CBL: variants seen among roughly 807,000 people sequenced by gnomAD.
CBL encodes the protein Cbl proto-oncogene.
A neutral mutation model predicts 96.9 loss-of-function variants in CBL; 45 were observed. The observed-to-expected ratio is 0.46, with a 90% CI of 0.37 to 0.60. The LOEUF (loss-of-function observed/expected upper bound fraction) is 0.60. Ranked by LOEUF, CBL falls within the 20% of genes least tolerant of loss-of-function variation. The pLI is 0.00. For missense variants in CBL, 1,024 were observed against 1,143.5 expected (o/e 0.90, Z 1.51); for synonymous variants, 420 against 426.8 (o/e 0.98, Z 0.20).
chr11:119,295,555 C>T (rs1485196543), intron 12 of CBL, among the ~76,000 whole-genome samples: 1 of 151,348 alleles, frequency 6.6e-6, no homozygotes, highest in African/African-American at 2.4e-5. Context: ...GACTCTGTCT[C>T]TACAAAAAAA....
intron 1 of CBL, among the ~76,000 whole-genome samples, chr11:119,214,214 A>G (rs942220797): frequency 6.7e-6 from 1 of 149,760 alleles, no homozygotes; most frequent in African/African-American, 2.5e-5. Context: ...AAGTGCTGGG[A>G]TTACAGGCAT....
Position 119,305,911 on chromosome 11 carries a change from C to T in CBL, c.*6130C>T, listed in dbSNP as rs1009525784. The T allele has an allele frequency of 3.9e-6, 1 of 255,068 alleles. No individual in the cohort carries two copies. The highest frequency in any genetic ancestry group is 2.2e-5 in the African/African-American group (1 of 46,064). The allele number at this position is 255,068 out of a possible 1,614,324, so 15.8% of individuals were successfully genotyped here. ...GTCATTTGATACACACAGAAGTTAC[C>T]TAATAATCCAAAGATGTCCATCAAG... On this transcript the variant is annotated 3_prime_UTR_variant, in exon 16 of 16. Transcript: ENST00000264033.
Position 119,303,996 on chromosome 11 carries a change from G to A in CBL, c.*4215G>A, listed in dbSNP as rs572135038. 1 of 233,606 alleles carries A rather than the reference G, an allele frequency of 4.3e-6. No individual in the cohort carries two copies. The highest frequency in any genetic ancestry group is 6.0e-5 in the East Asian group (1 of 16,576). The allele number at this position is 233,606 out of a possible 1,614,324, so 14.5% of individuals were successfully genotyped here. A position where few individuals can be genotyped will look rare whatever the true frequency, so the allele number is the denominator to read the frequency against. ...TATGTTTTAGAAGGGCTGGAGGTGT[G>A]GGCCCTGTCTTCGGGTCTCAGGACC... On this transcript the variant is annotated 3_prime_UTR_variant, in exon 16 of 16. Transcript: ENST00000264033.
At chr11:119,297,658 A>C (rs572755132) in intron 14 of CBL, among the ~76,000 whole-genome samples, 177 bp downstream of exon 14, 1 of 152,290 alleles carries the variant, frequency 6.6e-6, no homozygotes, top group Middle Eastern at 3.4e-3. Context: ...GGGTTTCACT[A>C]TGTTGGCCAG....
At chr11:119,240,572 A>G (rs933167465) in intron 2 of CBL, among the ~76,000 whole-genome samples, 13 of 152,284 alleles carry the variant, frequency 8.5e-5, no homozygotes, top group African/African-American at 2.9e-4. Context: ...TTGGCTTGGT[A>G]TAGAGCATTT....
intron 1 of CBL, among the ~76,000 whole-genome samples, chr11:119,222,672 T>G (rs1276255047): frequency 6.6e-6 from 1 of 151,108 alleles, no homozygotes; most frequent in African/African-American, 2.5e-5. Context: ...TGAATTTTTG[T>G]TTTTTGGTTC....
rs997588226 is a variant in CBL, at chr11:119,302,276, C to G, written c.*2495C>G. On this transcript the variant is annotated 3_prime_UTR_variant, in exon 16 of 16. Coordinates refer to ENST00000264033, the MANE Select transcript of CBL (RefSeq NM_005188.4). ...GGGTGCTGTGAGGACACACCTGGGT[C>G]TGTGCCTGAGATTGCCAGGCAAGAT... is the stretch of plus-strand genomic sequence containing the variant. 1 of 232,672 alleles carries G rather than the reference C, an allele frequency of 4.3e-6. No homozygotes were observed. Among genetic ancestry groups the G allele is most frequent in the Non-Finnish European group, 8.5e-6 (1 of 117,726 alleles). The allele number at this position is 232,672 out of a possible 1,614,324, so 14.4% of individuals were successfully genotyped here.
chr11:119,231,263 T>C (rs1441094409), intron 1 of CBL, among the ~76,000 whole-genome samples: 1 of 151,452 alleles, frequency 6.6e-6, no homozygotes, highest in Non-Finnish European at 1.5e-5. Flanking sequence ...ATTAGCTGGG[T>C]GTGATGGTGG....
chr11:119,259,938 A>C (rs1321357219), intron 2 of CBL, among the ~76,000 whole-genome samples: 2 of 152,160 alleles, frequency 1.3e-5, no homozygotes, highest in African/African-American at 4.8e-5. Context: ...TCAAAGGGGG[A>C]AACTCAGTTT....
intron 12 of CBL, among the ~76,000 whole-genome samples, 193 bp from the exon 13 acceptor site, chr11:119,296,725 T>C (rs2135319562): frequency 6.6e-6 from 1 of 152,362 alleles, no homozygotes. Context: ...CTTTGGTCAG[T>C]TGAAAGTGAC....
chr11:119,278,373 T>TA, intron 8 of CBL, 76 bp downstream of exon 8: 9 of 1,571,068 alleles, frequency 5.7e-6, no homozygotes, highest in Non-Finnish European at 7.9e-6. Flanking sequence ...CCTTTACTGA[T>TA]ACAAGGGGTG....
intron 2 of CBL, among the ~76,000 whole-genome samples, chr11:119,241,130 A>G (rs2135272383): frequency 6.6e-6 from 1 of 152,278 alleles, no homozygotes; most frequent in East Asian, 1.9e-4. Flanking sequence ...ATTGTATAGT[A>G]TTGTTGCTTC....
Position 119,285,424 on chromosome 11 carries a change from T to C in CBL, c.1799T>C (p.Val600Ala), listed in dbSNP as rs1299267508. 1 of 1,614,056 alleles carries C rather than the reference T, an allele frequency of 6.2e-7. No homozygotes were observed. Residue 600 changes from valine to alanine, a missense_variant, in exon 11 of 16, where the codon GTA becomes GCA. Transcript: ENST00000264033. ...CCCCGGCCAATCCCCAAAGTACCAG[T>C]ATCTGCCCCAAGTTCCAGTGATCCC... Reference protein sequence around the residue: ...WLPRPIPKVPVSAPSSSDPWT... With the variant: ...WLPRPIPKVPASAPSSSDPWT...
Position 119,302,562 on chromosome 11 carries a change from C to T in CBL, c.*2781C>T, listed in dbSNP as rs778266125. On this transcript the variant is annotated 3_prime_UTR_variant, in exon 16 of 16. Coordinates refer to ENST00000264033, the MANE Select transcript of CBL (RefSeq NM_005188.4). ...AAAAAAACCCACACTACTTTGTTCT[C>T]TTTTTCTCATATTCATTGGGCTGTT... 1.7e-5 allele frequency: 4 copies of T among 232,262 alleles called. No homozygotes were observed. The highest frequency in any genetic ancestry group is 1.7e-5 in the Non-Finnish European group (2 of 117,516). The allele number at this position is 232,262 out of a possible 1,614,324, so 14.4% of individuals were successfully genotyped here.
At chr11:119,223,184 CTTTTTTTTT>C (rs1167302746) in intron 1 of CBL, among the ~76,000 whole-genome samples, 3 of 67,156 alleles carry the variant, frequency 4.5e-5, no homozygotes, top group African/African-American at 2.3e-4. Flanking sequence ...CACACCCTTC[CTTTTTTTTT>C]TTTTTTTTTT....
intron 2 of CBL, among the ~76,000 whole-genome samples, chr11:119,247,187 T>A (rs1949637702): frequency 6.6e-6 from 1 of 152,200 alleles, no homozygotes. Context: ...CAAGTAAAAA[T>A]GATGTTCCAT....
At position 119,301,978 on chromosome 11, in the gene CBL, C is replaced by T. The variant is rs535590578; in HGVS notation, c.*2197C>T. On this transcript the variant is annotated 3_prime_UTR_variant, in exon 16 of 16. Transcript: ENST00000264033. Reference sequence around the variant, plus strand: ...CAGATATTGCCTGTAGTCTAAAGATCTCTTTGGAAGACAAAGCATTGGCTA... The same window carrying T: ...CAGATATTGCCTGTAGTCTAAAGATTTCTTTGGAAGACAAAGCATTGGCTA... The T allele has an allele frequency of 6.4e-5, 15 of 233,110 alleles. No homozygotes were observed. Among genetic ancestry groups the T allele is most frequent in the African/African-American group, 3.3e-4 (15 of 45,422 alleles). 14.4% of individuals were successfully genotyped at this position (233,110 alleles called of 1,614,324 possible). A position where few individuals can be genotyped will look rare whatever the true frequency, so the allele number is the denominator to read the frequency against.
intron 12 of CBL, among the ~76,000 whole-genome samples, chr11:119,289,367 G>C (rs1012749751): frequency 1.3e-5 from 2 of 151,400 alleles, no homozygotes; most frequent in African/African-American, 4.9e-5. Context: ...ATGTAATTGG[G>C]GTACATAGAA....
At chr11:119,229,739 T>G (rs1949487064) in intron 1 of CBL, among the ~76,000 whole-genome samples, 1 of 152,042 alleles carries the variant, frequency 6.6e-6, no homozygotes, top group African/African-American at 2.4e-5. Context: ...TTGTTTTTTT[T>G]TTTTCTTGAG....
Sources: gnomAD v4.1 joint callset for allele counts (sites outside exome capture counted in the v4.1 genomes callset) on GRCh38, gnomAD v4.1.1 for gene constraint, MANE v1.5 for transcripts, NCBI Gene and HGNC (gene_info 2026-07-23, HGNC 2026-07-21) for gene names.